The following ATP6V1H variants were observed in gnomAD, a reference collection of about 807,000 sequenced individuals.
The protein encoded by ATP6V1H is ATPase H+ transporting V1 subunit H.
ATP6V1H carries 39 observed loss-of-function variants against 71.7 expected under a neutral mutation model. The ratio of observed to expected loss-of-function variants is 0.54; its 90% CI spans 0.42 to 0.71. The LOEUF is 0.71. ATP6V1H is among the 30% of genes least tolerant of loss of function. The pLI is 0.00. For missense variants in ATP6V1H, 509 were observed against 594.9 expected (o/e 0.86, Z 1.50); for synonymous variants, 192 against 199.3 (o/e 0.96, Z 0.31).
intron 4 of ATP6V1H, among the ~76,000 whole-genome samples, chr8:53,824,612 A>AG (rs1484688876): frequency 1.3e-5 from 2 of 152,058 alleles, no homozygotes; most frequent in Non-Finnish European, 2.9e-5. Context: ...ATCTAAGGAG[A>AG]GGGGAAAAAA....
At chr8:53,798,811 G>A (rs1809824711) in intron 8 of ATP6V1H, among the ~76,000 whole-genome samples, 1 of 152,048 alleles carries the variant, frequency 6.6e-6, no homozygotes, top group African/African-American at 2.4e-5. Context: ...CTTATTAGTG[G>A]TCATTAGCAT....
intron 11 of ATP6V1H, among the ~76,000 whole-genome samples, chr8:53,766,558 G>A (rs1175391302): frequency 1.3e-5 from 2 of 152,232 alleles, no homozygotes; most frequent in Non-Finnish European, 2.9e-5. Flanking sequence ...GCAGAACAGA[G>A]CCGTATTTCT....
intron 10 of ATP6V1H, among the ~76,000 whole-genome samples, 176 bp from the exon 11 acceptor site, chr8:53,769,919 G>A (rs550614137): frequency 3.5e-4 from 53 of 152,068 alleles, no homozygotes; most frequent in Middle Eastern, 3.2e-3. Context: ...AATAAATCAT[G>A]TGAAATTTTA....
chr8:53,748,414 C>T (rs1807682327), intron 12 of ATP6V1H, among the ~76,000 whole-genome samples: 1 of 152,164 alleles, frequency 6.6e-6, no homozygotes, highest in East Asian at 1.9e-4. Context: ...CTCAAAAGTA[C>T]TCATATCATC....
intron 11 of ATP6V1H, among the ~76,000 whole-genome samples, chr8:53,762,801 A>T (rs1287451402): frequency 1.3e-5 from 2 of 152,180 alleles, no homozygotes; most frequent in Non-Finnish European, 2.9e-5. Flanking sequence ...TGAACAGCAC[A>T]AATCTGAACT....
intron 11 of ATP6V1H, among the ~76,000 whole-genome samples, chr8:53,764,155 G>A (rs1186566132): frequency 3.3e-5 from 5 of 151,990 alleles, no homozygotes; most frequent in African/African-American, 4.8e-5. Context: ...AGAAGCAGCG[G>A]GAACACCTCT....
chr8:53,782,169 A>G (rs1809168041), intron 9 of ATP6V1H, among the ~76,000 whole-genome samples: 1 of 152,258 alleles, frequency 6.6e-6, no homozygotes, highest in Admixed American at 6.5e-5. Context: ...CTTCCTACCC[A>G]TGAGCATGGA....
chr8:53,761,714 C>T (rs981020275), intron 11 of ATP6V1H, among the ~76,000 whole-genome samples: 1 of 152,156 alleles, frequency 6.6e-6, no homozygotes, highest in South Asian at 2.1e-4. Flanking sequence ...TTTGATTTGC[C>T]ATTTTGTTTA....
intron 3 of ATP6V1H, 138 bp from the exon 4 acceptor site, chr8:53,829,671 C>A (rs1028824192): frequency 3.6e-6 from 2 of 556,566 alleles, no homozygotes; most frequent in East Asian, 3.3e-5. Context: ...AAAACATATA[C>A]CTTTTATAAA....
At position 53,812,120 on chromosome 8, in the gene ATP6V1H, T is replaced by C. The variant is rs144433896; in HGVS notation, c.526-903A>G. ...AAACGAAGAGTCTGAATTTTAATCA[T>C]GATAGAAGGCTATGAAGAAGTGCCT... On this transcript the variant is annotated intron_variant, in intron 6 of 13. Transcript: ENST00000359530. Among the ~76,000 whole-genome samples, 1,194 of 152,192 alleles carry C rather than the reference T, an allele frequency of 7.8e-3. 4 individuals carry two copies. Among genetic ancestry groups the C allele is most frequent in the South Asian group, 0.015 (74 of 4,820 alleles).
intron 12 of ATP6V1H, among the ~76,000 whole-genome samples, chr8:53,746,939 A>G (rs745383037): frequency 3.3e-5 from 5 of 152,230 alleles, no homozygotes; most frequent in Non-Finnish European, 7.3e-5. Flanking sequence ...TTAAGTCAAT[A>G]GCATGTTAAG....
chr8:53,773,243 C>T (rs1346501789), intron 9 of ATP6V1H, among the ~76,000 whole-genome samples: 1 of 152,122 alleles, frequency 6.6e-6, no homozygotes, highest in Non-Finnish European at 1.5e-5. Context: ...ACTTGCAATC[C>T]TCCTTATTAT....
chr8:53,807,628 G>A (rs1810127306), intron 7 of ATP6V1H, among the ~76,000 whole-genome samples: 1 of 152,168 alleles, frequency 6.6e-6, no homozygotes, highest in Admixed American at 6.5e-5. Context: ...GTTAGTGGTT[G>A]CCAGGGCTTG....
intron 2 of ATP6V1H, chr8:53,839,939 C>T (rs577013739): frequency 2.0e-6 from 2 of 985,602 alleles, no homozygotes; most frequent in South Asian, 9.4e-5. Context: ...CTGGCTGCCT[C>T]TCTAGCCTCA....
At chr8:53,815,798 A>C (rs1810430078) in intron 5 of ATP6V1H, among the ~76,000 whole-genome samples, 1 of 152,240 alleles carries the variant, frequency 6.6e-6, no homozygotes. Context: ...CAGTGCATGC[A>C]CAAGACAAAG....
intron 13 of ATP6V1H, among the ~76,000 whole-genome samples, chr8:53,738,462 G>A (rs1035052360): frequency 6.6e-6 from 1 of 152,102 alleles, no homozygotes; most frequent in Admixed American, 6.5e-5. Flanking sequence ...TACTAGACCA[G>A]GCTTTTCTTT....
chr8:53,720,458 ACTAT>A (rs1806575205), intron 13 of ATP6V1H, among the ~76,000 whole-genome samples: 1 of 152,198 alleles, frequency 6.6e-6, no homozygotes, highest in African/African-American at 2.4e-5. Flanking sequence ...AAGGTGACTG[ACTAT>A]CTAGCTTCTA....
intron 13 of ATP6V1H, among the ~76,000 whole-genome samples, chr8:53,720,918 T>C (rs1429981066): frequency 1.3e-5 from 2 of 152,202 alleles, no homozygotes; most frequent in Admixed American, 1.3e-4. Flanking sequence ...GTTCTTGGAA[T>C]TCTATAGCCT....
chr8:53,740,456 C>A (rs1667131717), intron 13 of ATP6V1H, among the ~76,000 whole-genome samples: 1 of 152,164 alleles, frequency 6.6e-6, no homozygotes. Context: ...GACCTTCATG[C>A]TTTCATCTGT....
Sources: allele counts gnomAD v4.1 joint callset (sites outside exome capture counted in the v4.1 genomes callset), GRCh38; gene constraint gnomAD v4.1.1; transcripts MANE v1.5; gene names NCBI Gene and HGNC (gene_info 2026-07-23, HGNC 2026-07-21).